PRDX4: variants seen among roughly 807,000 people sequenced by gnomAD.
The protein encoded by PRDX4 is peroxiredoxin-4.
Under a neutral mutation model 20.5 loss-of-function variants are expected in PRDX4, and 12 were observed. The observed-to-expected ratio is 0.58, with a 90% confidence interval of 0.37 to 0.95. The LOEUF (loss-of-function observed/expected upper bound fraction) is 0.95. Ranked by LOEUF, PRDX4 falls within the 40% of genes least tolerant of loss-of-function variation. The pLI, the probability that PRDX4 is intolerant of heterozygous loss-of-function variation, is 0.01. For missense variants in PRDX4, 180 were observed against 207.3 expected (o/e 0.87, Z 0.81); for synonymous variants, 99 against 87.5 (o/e 1.13, Z -0.73).
intron 1 of PRDX4, among the ~76,000 whole-genome samples, chrX:23,670,088 A>G (rs1927816241): frequency 9.0e-6 from 1 of 111,665 alleles, no homozygotes; most frequent in Non-Finnish European, 1.9e-5. Flanking sequence ...TATATTCAAG[A>G]CAATTTTTGT....
chrX:23,676,168 G>A (rs1251662431), intron 3 of PRDX4, among the ~76,000 whole-genome samples: 544 of 64,116 alleles, frequency 8.5e-3, no homozygotes, highest in Non-Finnish European at 0.014. Flanking sequence ...AAAAAAAAAA[G>A]ATTCAGAACT....
In PRDX4 at chrX:23,676,136, C is replaced by CAAAAAA. The variant is rs55792240; in HGVS notation, c.476+1056_476+1061dup. On this transcript the variant is annotated intron_variant, in intron 3 of 6. Transcript: ENST00000379341. ...GGGCAATGAGAGTGAAACTCCATCTCAAAAAAAAAAAAAAAAAAAAAAAAA... is the reference window on the plus strand; with the variant it reads ...GGGCAATGAGAGTGAAACTCCATCTCAAAAAAAAAAAAAAAAAAAAAAAAAAAAAAA... Among the ~76,000 whole-genome samples, 298 of 54,963 alleles carry CAAAAAA rather than the reference C, an allele frequency of 5.4e-3. 9 individuals are homozygous for CAAAAAA. The highest frequency in any genetic ancestry group is 7.2e-3 in the Non-Finnish European group (220 of 30,538). The allele number at this position is 54,963 out of a possible 115,157, so 47.7% of individuals were successfully genotyped here.
intron 2 of PRDX4, among the ~76,000 whole-genome samples, chrX:23,674,540 C>T (rs1927906991): frequency 9.1e-6 from 1 of 109,556 alleles, no homozygotes; most frequent in South Asian, 3.9e-4. Flanking sequence ...AAAACATTGC[C>T]TCCTCTCCAA....
Position 23,667,861 on chromosome X carries a change from G to T in PRDX4, c.241+50G>T, listed in dbSNP as rs765436686. Reference sequence around the variant, plus strand: ...GGGAGGGGAGATTCCGGAGACACGTGTACCCCGGTTACACCCCCGGAATCT... The same window carrying T: ...GGGAGGGGAGATTCCGGAGACACGTTTACCCCGGTTACACCCCCGGAATCT... On this transcript the variant is annotated intron_variant, in intron 1 of 6. Coordinates refer to ENST00000379341, the MANE Select transcript of PRDX4 (RefSeq NM_006406.2). The T allele has an allele frequency of 2.5e-6, 3 of 1,193,504 alleles. No homozygotes were observed. The Admixed American group carries it at 6.6e-5, about 26-fold the overall frequency.
chrX:23,685,720 T>TACC (rs35555416), intron 6 of PRDX4, among the ~76,000 whole-genome samples: 88 of 108,858 alleles, frequency 8.1e-4, no homozygotes, highest in African/African-American at 2.8e-3. Flanking sequence ...TTTTTAAGTC[T>TACC]AACAGGATTC....
chrX:23,676,610 G>T (rs980124307), intron 3 of PRDX4, among the ~76,000 whole-genome samples: 5 of 109,167 alleles, frequency 4.6e-5, no homozygotes, highest in Non-Finnish European at 7.6e-5. Flanking sequence ...GGGCAACATA[G>T]TGAGACCCCA....
chrX:23,672,192 C>T (rs1023741489), intron 2 of PRDX4, among the ~76,000 whole-genome samples: 2 of 111,561 alleles, frequency 1.8e-5, no homozygotes, highest in South Asian at 3.8e-4. Flanking sequence ...ACCCTGGAGG[C>T]GGAGGTTGCA....
chrX:23,679,096 G>A (rs746782926), intron 3 of PRDX4, 69 bp from the exon 4 acceptor site: 2 of 1,101,771 alleles, frequency 1.8e-6, no homozygotes, highest in African/African-American at 3.7e-5. Flanking sequence ...TGCATGTATA[G>A]AGAAAGAGTG....
chrX:23,672,239 G>A (rs6629717), intron 2 of PRDX4, among the ~76,000 whole-genome samples: 22,873 of 111,162 alleles, frequency 0.21, 1,870 homozygotes, highest in African/African-American at 0.3. Flanking sequence ...CCAGCCTGGC[G>A]ACAGCGAGAC....
At chrX:23,679,325 C>T (rs372119633) in intron 4 of PRDX4, 38 bp downstream of exon 4, 1 of 1,133,291 alleles carries the variant, frequency 8.8e-7, no homozygotes, top group Admixed American at 2.8e-5. Flanking sequence ...CAAATCCAAG[C>T]GTGTTTATAA....
Position 23,671,198 on chromosome X carries a change from A to G in PRDX4, c.242-331A>G, listed in dbSNP as rs3795224. Among the ~76,000 whole-genome samples, 282 of 112,098 alleles carry G rather than the reference A, an allele frequency of 2.5e-3. 2 individuals are homozygous for G. In the East Asian group the frequency reaches 0.052, roughly 21 times the overall value. On this transcript the variant is annotated intron_variant, in intron 1 of 6. Transcript: ENST00000379341. ...ATATGGTTATCGCAGGTATCCTGAA[A>G]CACCATTTTCACTCATCATTATCTT... is the stretch of plus-strand genomic sequence containing the variant.
At chrX:23,672,308 A>T (rs1416701331) in intron 2 of PRDX4, among the ~76,000 whole-genome samples, 1 of 112,264 alleles carries the variant, frequency 8.9e-6, no homozygotes, top group Non-Finnish European at 1.9e-5. Flanking sequence ...GATACCATGT[A>T]ACTGTGGTTT....
chrX:23,680,373 A>G (rs1040943537), intron 4 of PRDX4, among the ~76,000 whole-genome samples: 4 of 111,845 alleles, frequency 3.6e-5, no homozygotes, highest in Non-Finnish European at 7.5e-5. Flanking sequence ...TTTTACCCAG[A>G]CGCTCTCACT....
At chrX:23,672,523 G>T (rs1439243024) in intron 2 of PRDX4, among the ~76,000 whole-genome samples, 3 of 111,900 alleles carry the variant, frequency 2.7e-5, no homozygotes, top group African/African-American at 9.8e-5. Context: ...TACCCTTACA[G>T]CTTTATTCAC....
rs776672999 is a variant in PRDX4, at chrX:23,682,520, G to A, written c.724G>A (p.Gly242Arg). The A allele has an allele frequency of 8.7e-6, 10 of 1,155,235 alleles. No homozygotes were observed. Among genetic ancestry groups the A allele is most frequent in the East Asian group, 3.3e-5 (1 of 30,493 alleles). Residue 242 changes from glycine (G) to arginine (R), a missense_variant, in exon 5 of 7, where the codon GGA becomes AGA. This residue lies in a region of PRDX4 where 73 missense variants were observed against 76.5 expected (regional missense o/e 0.95). Coordinates refer to ENST00000379341, the MANE Select transcript of PRDX4 (RefSeq NM_006406.2). ...VQAFQYTDKH[G>R]EVCPAGWKPG... ...AGCATTCCAGTACACTGACAAACAC[G>A]GAGAAGGTACCTCTCCCTTCTAACC...
intron 2 of PRDX4, among the ~76,000 whole-genome samples, chrX:23,672,355 T>C (rs1927863856): frequency 8.9e-6 from 1 of 112,535 alleles, no homozygotes; most frequent in African/African-American, 3.2e-5. Flanking sequence ...GTTGCTTTTC[T>C]GGGATTTGAA....
At chrX:23,674,964 AAT>A (rs767513316) in intron 2 of PRDX4, 24 bp from the exon 3 acceptor site, 3 of 1,192,080 alleles carry the variant, frequency 2.5e-6, no homozygotes, top group African/African-American at 1.7e-5. Flanking sequence ...GAGAATACTG[AAT>A]ATTTTTTTTT....
chrX:23,673,268 AG>A (rs1381603791), intron 2 of PRDX4, among the ~76,000 whole-genome samples: 1 of 112,528 alleles, frequency 8.9e-6, no homozygotes, highest in African/African-American at 3.2e-5. Context: ...CAAGGAGCTA[AG>A]ATAGCCTCTT....
chrX:23,675,499 A>G (rs1927928672), intron 3 of PRDX4: 1 of 157,476 alleles, frequency 6.4e-6, no homozygotes, highest in Non-Finnish European at 1.2e-5. Flanking sequence ...CTCAGCTTTT[A>G]CAATTTTGAA....
Sources: gnomAD v4.1 joint callset for allele counts (sites outside exome capture counted in the v4.1 genomes callset) on GRCh38, gnomAD v4.1.1 for gene constraint, gnomAD v4.1.1 regional missense constraint, MANE v1.5 for transcripts, NCBI Gene and HGNC (gene_info 2026-07-23, HGNC 2026-07-21) for gene names.